NRIP3: variants seen among roughly 807,000 people sequenced by gnomAD.
The protein encoded by NRIP3 is nuclear receptor interacting protein 3.
NRIP3 carries 31 observed loss-of-function variants against 29.0 expected under a neutral mutation model. The ratio of observed to expected loss-of-function variants is 1.07; its 90% CI spans 0.80 to 1.44. The LOEUF is 1.44. Ranked by LOEUF, NRIP3 falls within the 40% of genes most tolerant of loss-of-function variation. The probability of loss-of-function intolerance (pLI) is 0.00; values close to 1 mark genes in which losing one functional copy is unlikely to be tolerated. For missense variants in NRIP3, 314 were observed against 297.9 expected, an observed-to-expected ratio of 1.05 and a Z score of -0.40; for synonymous variants, 131 against 118.3, an observed-to-expected ratio of 1.11 and a Z score of -0.70.
upstream of NRIP3, chr11:9,004,257 G>A (rs1472583771): frequency 1.4e-5 from 3 of 207,858 alleles, no homozygotes; most frequent in Non-Finnish European, 2.9e-5. Context: ...CCTGCGTGGG[G>A]GCCCCGCATC....
chr11:8,982,455 C>T lies in NRIP3; in HGVS notation c.*1090G>A, dbSNP rs2742470. 79,399 of 153,906 alleles carry T rather than the reference C, an allele frequency of 0.52. 20,758 individuals are homozygous for T. The highest frequency in any genetic ancestry group is 0.71 in the Middle Eastern group (209 of 296). 9.5% of individuals were successfully genotyped at this position (153,906 alleles called of 1,614,324 possible). A position where few individuals can be genotyped will look rare whatever the true frequency, so the allele number is the denominator to read the frequency against. On this transcript the variant is annotated 3_prime_UTR_variant, in exon 7 of 7. Coordinates refer to ENST00000309166, the MANE Select transcript of NRIP3 (RefSeq NM_020645.3). Reference sequence around the variant, plus strand: ...TCTATTCTGGCCTTGCTCTTTTTTTCCCCCCATCTTTCTCTACTCCTGGTT... The same window carrying T: ...TCTATTCTGGCCTTGCTCTTTTTTTTCCCCCATCTTTCTCTACTCCTGGTT...
Position 8,983,277 on chromosome 11 carries a change from A to T in NRIP3, c.*268T>A. On this transcript the variant is annotated 3_prime_UTR_variant, in exon 7 of 7. Transcript: ENST00000309166. Reference sequence around the variant, plus strand: ...AAATTCCTGGAAGAAGCAGAGAAATAGGCCACAAGTGAGACTGGCAGTGTC... The same window carrying T: ...AAATTCCTGGAAGAAGCAGAGAAATTGGCCACAAGTGAGACTGGCAGTGTC... The T allele has an allele frequency of 1.8e-6, 1 of 542,324 alleles. No homozygotes were observed. The highest frequency in any genetic ancestry group is 3.3e-6 in the Non-Finnish European group (1 of 305,040). The allele number at this position is 542,324 out of a possible 1,614,324, so 33.6% of individuals were successfully genotyped here. A position where few individuals can be genotyped will look rare whatever the true frequency, so the allele number is the denominator to read the frequency against.
chr11:8,985,013 G>A (rs567320140), intron 4 of NRIP3, among the ~76,000 whole-genome samples: 20 of 151,888 alleles, frequency 1.3e-4, no homozygotes, highest in South Asian at 4.2e-4. Context: ...CACCAGTCCC[G>A]GCTAATTTTG....
intron 1 of NRIP3, among the ~76,000 whole-genome samples, chr11:8,991,680 T>C (rs893441386): frequency 2.6e-5 from 4 of 152,216 alleles, no homozygotes; most frequent in African/African-American, 9.6e-5. Flanking sequence ...CTTTATACCA[T>C]TTCACTTCAC....
intron 3 of NRIP3, 147 bp downstream of exon 3, chr11:8,987,401 T>G: frequency 1.5e-6 from 1 of 678,312 alleles, no homozygotes; most frequent in Non-Finnish European, 2.7e-6. Flanking sequence ...TCCCCTCTAC[T>G]AAGGATTCTG....
chr11:8,983,720 G>T, intron 6 of NRIP3, 155 bp downstream of exon 6: 2 of 868,644 alleles, frequency 2.3e-6, no homozygotes, highest in South Asian at 1.5e-5. Context: ...GTTTTGTGGG[G>T]TGATGAACTC....
At chr11:8,983,626 G>A in intron 6 of NRIP3, 66 bp from the exon 7 acceptor site, 1 of 1,500,788 alleles carries the variant, frequency 6.7e-7, no homozygotes, top group Non-Finnish European at 9.2e-7. Context: ...CTGAAGGCAA[G>A]TAAAATTTTG....
rs536094753 is a variant in NRIP3 at position 8,983,099 on chromosome 11, T to G, written c.*446A>C. ...TGAATCAATTTGAAGAAACTCTAAT[T>G]CTAAGACATAGGTATCCTGGCACCT... On this transcript the variant is annotated 3_prime_UTR_variant, in exon 7 of 7. Coordinates refer to ENST00000309166, the MANE Select transcript of NRIP3 (RefSeq NM_020645.3). 5.2e-5 allele frequency: 23 copies of G among 442,134 alleles called. No homozygotes were observed. The highest frequency in any genetic ancestry group is 3.8e-4 in the South Asian group (23 of 60,856). The allele number at this position is 442,134 out of a possible 1,614,324, so 27.4% of individuals were successfully genotyped here.
intron 1 of NRIP3, among the ~76,000 whole-genome samples, chr11:9,000,880 G>A (rs527720835): frequency 5.9e-4 from 90 of 152,184 alleles, no homozygotes; most frequent in African/African-American, 2.1e-3. Flanking sequence ...ACCAGCCTGG[G>A]CAATATGGCA....
At position 8,984,571 on chromosome 11, in the gene NRIP3, GTTATA is replaced by G. The variant is rs1448916428; in HGVS notation, c.563-452_563-448del. ...AGCCACCGCGCCTGGCCGAGCATGT[GTTATA>G]TTAAGTAATTTTCCTAGATCATTAA... On this transcript the variant is annotated intron_variant, in intron 4 of 6. Transcript: ENST00000309166. Among the ~76,000 whole-genome samples, 14 of 151,786 alleles carry G rather than the reference GTTATA, an allele frequency of 9.2e-5. No homozygotes were observed. The East Asian group carries it at 2.7e-3, about 29-fold the overall frequency.
chr11:8,999,430 C>A (rs916402940), intron 1 of NRIP3, among the ~76,000 whole-genome samples: 1 of 152,144 alleles, frequency 6.6e-6, no homozygotes, highest in African/African-American at 2.4e-5. Context: ...CAGTGTAACC[C>A]ACATAGTAGC....
intron 1 of NRIP3, among the ~76,000 whole-genome samples, chr11:8,990,047 A>T (rs1015752605): frequency 6.6e-6 from 1 of 152,226 alleles, no homozygotes; most frequent in Non-Finnish European, 1.5e-5. Flanking sequence ...AAACGAGGGA[A>T]GTTCTGAAAT....
At position 9,003,947 on chromosome 11, in the gene NRIP3, C is replaced by A; in HGVS notation, c.-12G>T. ...CCTGAGTAAAACATCGCTGAGGCGC[C>A]GGCGGCCCGGTAGCCCACAGCCCCC... On this transcript the variant is annotated 5_prime_UTR_variant, in exon 1 of 7. Transcript: ENST00000309166. 9 of 1,480,044 alleles carry A rather than the reference C, an allele frequency of 6.1e-6. No homozygotes were observed. The highest frequency in any genetic ancestry group is 8.1e-6 in the Non-Finnish European group (9 of 1,111,350). The allele number at this position is 1,480,044 out of a possible 1,614,324, so 91.7% of individuals were successfully genotyped here. A position where few individuals can be genotyped will look rare whatever the true frequency, so the allele number is the denominator to read the frequency against.
Position 8,982,709 on chromosome 11 carries a change from T to TGA in NRIP3, c.*834_*835dup. ...GTACGCTCGTTTTTAGGCACCAAGA[T>TGA]GAGGGCCTAAATGTGACAGTTTGGG... is the stretch of plus-strand genomic sequence containing the variant. On this transcript the variant is annotated 3_prime_UTR_variant, in exon 7 of 7. Coordinates refer to ENST00000309166, the MANE Select transcript of NRIP3 (RefSeq NM_020645.3). The TGA allele has an allele frequency of 4.1e-6, 1 of 242,548 alleles. No individual in the cohort carries two copies. The highest frequency in any genetic ancestry group is 4.8e-5 in the South Asian group (1 of 20,974). The allele number at this position is 242,548 out of a possible 1,614,324, so 15.0% of individuals were successfully genotyped here.
rs561758638 is a variant in NRIP3 at position 8,983,374 on chromosome 11, A to G, written c.*171T>C. 5 of 618,676 alleles carry G rather than the reference A, an allele frequency of 8.1e-6. No homozygotes were observed. Among genetic ancestry groups the G allele is most frequent in the African/African-American group, 5.6e-5 (3 of 53,862 alleles). The allele number at this position is 618,676 out of a possible 1,614,324, so 38.3% of individuals were successfully genotyped here. A position where few individuals can be genotyped will look rare whatever the true frequency, so the allele number is the denominator to read the frequency against. On this transcript the variant is annotated 3_prime_UTR_variant, in exon 7 of 7. Transcript: ENST00000309166. Reference sequence around the variant, plus strand: ...CCATAACCAGACAAGATCTCTAAGCATAGACTATAGTCTAGAGAGGTCTGA... The same window carrying G: ...CCATAACCAGACAAGATCTCTAAGCGTAGACTATAGTCTAGAGAGGTCTGA...
chr11:8,985,206 G>A (rs1854497440), intron 4 of NRIP3, among the ~76,000 whole-genome samples: 1 of 108,542 alleles, frequency 9.2e-6, no homozygotes. Context: ...GTCTTGTTCT[G>A]TCGCCCAGGC....
At chr11:8,983,631 A>G in intron 6 of NRIP3, 71 bp from the exon 7 acceptor site, 1 of 1,482,768 alleles carries the variant, frequency 6.7e-7, no homozygotes, top group Non-Finnish European at 9.4e-7. Flanking sequence ...GGCAAGTAAA[A>G]TTTTGCTTTC....
At chr11:8,985,187 T>TTTG (rs1854496752) in intron 4 of NRIP3, among the ~76,000 whole-genome samples, 1 of 90,490 alleles carries the variant, frequency 1.1e-5, no homozygotes, top group Non-Finnish European at 2.3e-5. Flanking sequence ...TTTTTTTTTT[T>TTTG]GAGACGGAGT....
At chr11:8,998,740 G>A (rs1589964892) in intron 1 of NRIP3, among the ~76,000 whole-genome samples, 1 of 145,286 alleles carries the variant, frequency 6.9e-6, no homozygotes, top group South Asian at 2.3e-4. Context: ...CTACATTTAA[G>A]TAACTAATTG....
Sources: allele counts gnomAD v4.1 joint callset (sites outside exome capture counted in the v4.1 genomes callset), GRCh38; gene constraint gnomAD v4.1.1; transcripts MANE v1.5; gene names NCBI Gene and HGNC (gene_info 2026-07-23, HGNC 2026-07-21).